MED13: variants seen among roughly 807,000 people sequenced by gnomAD.
MED13 encodes the protein mediator of RNA polymerase II transcription subunit 13.
In MED13, 23 loss-of-function variants were observed where a neutral mutation model predicts 225.2. The ratio of observed to expected loss-of-function variants is 0.10; its 90% CI spans 0.07 to 0.14. The LOEUF is 0.14. Ranked by LOEUF, MED13 falls within the 10% of genes least tolerant of loss-of-function variation. MED13 has a pLI of 1.00. For synonymous variants in MED13, 942 were observed against 889.2 expected, an observed-to-expected ratio of 1.06 and a Z score of -1.06; for missense variants, 2,197 against 2,594.5, an observed-to-expected ratio of 0.85 and a Z score of 3.33.
At chr17:62,008,226 G>A (rs2080472110) in intron 9 of MED13, among the ~76,000 whole-genome samples, 1 of 149,426 alleles carries the variant, frequency 6.7e-6, no homozygotes, top group Non-Finnish European at 1.5e-5. Context: ...GGCTGAGGCA[G>A]GAGAATGGTG....
chr17:62,029,770 G>T, intron 7 of MED13, 81 bp downstream of exon 7: 1 of 1,510,452 alleles, frequency 6.6e-7, no homozygotes, highest in South Asian at 1.3e-5. Flanking sequence ...TCAAACAAAT[G>T]ACTGTTTATA....
rs192877623 is a variant in MED13 at position 62,035,034 on chromosome 17, T to C, written c.616+429A>G. On this transcript the variant is annotated intron_variant, in intron 4 of 29. Transcript: ENST00000397786. Reference sequence around the variant, plus strand: ...TACTCAGGAGGCTGAGGTAGGAGAATTGCTTGAATCCGGGAGGTGGAGGTT... The same window carrying C: ...TACTCAGGAGGCTGAGGTAGGAGAACTGCTTGAATCCGGGAGGTGGAGGTT... Among the ~76,000 whole-genome samples the C allele has an allele frequency of 3.3e-5, 5 of 152,086 alleles. No individual in the cohort carries two copies. The East Asian group carries it at 7.7e-4, about 24-fold the overall frequency.
chr17:62,055,158 G>A (rs1020336127), intron 2 of MED13, among the ~76,000 whole-genome samples: 1 of 152,134 alleles, frequency 6.6e-6, no homozygotes, highest in African/African-American at 2.4e-5. Context: ...ACTTCAGGAG[G>A]CCAAGGCAAG....
intron 17 of MED13, among the ~76,000 whole-genome samples, chr17:61,969,096 C>G (rs1415288746): frequency 6.6e-6 from 1 of 152,124 alleles, no homozygotes; most frequent in East Asian, 1.9e-4. Flanking sequence ...TGGCTCACAC[C>G]TGTAATTTCA....
At chr17:62,015,957 T>TATATATATATATA (rs1227669033) in intron 8 of MED13, among the ~76,000 whole-genome samples, 3 of 6,314 alleles carry the variant, frequency 4.8e-4, no homozygotes, top group East Asian at 4.4e-3. Flanking sequence ...TATATATATT[T>TATATATATATATA]TTTTTTTTTT....
In MED13 at chr17:61,965,049, A is replaced by G. The variant is rs1164621737; in HGVS notation, c.4801T>C (p.Ser1601Pro). Residue 1601 changes from serine to proline, a missense_variant, in exon 20 of 30, where the codon TCA becomes CCA. Physicochemically the swap from Ser to Pro is moderately conservative, Grantham distance 74 (BLOSUM62 -1). This residue lies in a region of MED13 where 457 missense variants were observed against 442.2 expected (regional missense o/e 1.03). Transcript: ENST00000397786. The part of the protein sequence containing the change: ...ALQTAGISGE[S>P]SSLPTQPHPD... ...TGCGGCTGAGTGGGAAGTGAAGATG[A>G]TTCTCCAGAAATCCCAGCTGTCTGT... is the stretch of plus-strand genomic sequence containing the variant. The G allele has an allele frequency of 6.2e-7, 1 of 1,614,024 alleles. No individual in the cohort carries two copies. The highest frequency in any genetic ancestry group is 1.3e-5 in the African/African-American group (1 of 74,936).
chr17:61,990,615 T>A (rs1195237522), intron 11 of MED13, among the ~76,000 whole-genome samples: 1 of 128,754 alleles, frequency 7.8e-6, no homozygotes, highest in Non-Finnish European at 1.6e-5. Flanking sequence ...ACACACACAC[T>A]TGGCGCACTG....
chr17:62,003,609 A>AAAAAAAAAAAAAAAAAAAAC (rs2080417495), intron 9 of MED13: 2 of 150,844 alleles, frequency 1.3e-5, no homozygotes, highest in Non-Finnish European at 3.0e-5. Flanking sequence ...CAAAAAAAAA[A>AAAAAAAAAAAAAAAAAAAAC]AAAAAAAAAA....
intron 8 of MED13, among the ~76,000 whole-genome samples, chr17:62,019,735 TTTC>T (rs942387040): frequency 5.3e-5 from 8 of 151,362 alleles, no homozygotes; most frequent in African/African-American, 2.0e-4. Flanking sequence ...TACAATTGAA[TTTC>T]TTTTTTTCTT....
rs145824772 is a variant in MED13 at position 62,012,696 on chromosome 17, T to G, written c.1284-1463A>C. Reference sequence around the variant, plus strand: ...TCAGTATTCATTAGGTTTTACTTTTTAAATTTTACTTTTTTGCTGAATCAG... The same window carrying G: ...TCAGTATTCATTAGGTTTTACTTTTGAAATTTTACTTTTTTGCTGAATCAG... On this transcript the variant is annotated intron_variant, in intron 8 of 29. Coordinates refer to ENST00000397786, the MANE Select transcript of MED13 (RefSeq NM_005121.3). Among the ~76,000 whole-genome samples the G allele has an allele frequency of 1.1e-4, 17 of 152,252 alleles. No individual in the cohort carries two copies. In the East Asian group the frequency reaches 3.3e-3, roughly 29 times the overall value.
intron 9 of MED13, among the ~76,000 whole-genome samples, chr17:62,009,088 CT>C (rs1385144386): frequency 9.2e-5 from 14 of 152,132 alleles, no homozygotes; most frequent in Non-Finnish European, 5.9e-5. Context: ...GAATCGTAAT[CT>C]TTGTACATTC....
intron 8 of MED13, among the ~76,000 whole-genome samples, chr17:62,015,934 A>T (rs868164602): frequency 0.05 from 440 of 8,836 alleles, 27 homozygotes; most frequent in Non-Finnish European, 0.087. Flanking sequence ...ATATATATAT[A>T]TATATATATA....
chr17:62,049,802 C>T (rs1464837903), intron 3 of MED13, among the ~76,000 whole-genome samples: 1 of 151,674 alleles, frequency 6.6e-6, no homozygotes, highest in African/African-American at 2.4e-5. Context: ...TGGTGGCGGG[C>T]ACCTGTAGTC....
At chr17:62,060,634 G>A (rs1362816844) in intron 2 of MED13, among the ~76,000 whole-genome samples, 2 of 136,278 alleles carry the variant, frequency 1.5e-5, no homozygotes, top group Non-Finnish European at 3.1e-5. Flanking sequence ...GACAGAATGA[G>A]ACTCCGTCTC....
At chr17:62,052,403 T>C in intron 3 of MED13, 134 bp downstream of exon 3, 1 of 515,628 alleles carries the variant, frequency 1.9e-6, no homozygotes, top group Admixed American at 4.4e-5. Flanking sequence ...AAAACCTGAC[T>C]GTATCTAGTA....
At chr17:62,001,226 C>T (rs1264228128) in intron 9 of MED13, among the ~76,000 whole-genome samples, 2 of 152,148 alleles carry the variant, frequency 1.3e-5, no homozygotes, top group African/African-American at 2.4e-5. Flanking sequence ...GAACTAAATA[C>T]GCTTGGCCTT....
chr17:62,015,199 T>G (rs1291972605), intron 8 of MED13, among the ~76,000 whole-genome samples: 2 of 152,210 alleles, frequency 1.3e-5, no homozygotes, highest in Admixed American at 1.3e-4. Context: ...CAAGGTATCA[T>G]AATATTAGGT....
At chr17:62,037,549 C>A (rs539639172) in intron 3 of MED13, among the ~76,000 whole-genome samples, 78 of 151,522 alleles carry the variant, frequency 5.1e-4, no homozygotes, top group African/African-American at 1.7e-3. Flanking sequence ...CGCCTGTAAT[C>A]CCAGCTACTC....
chr17:62,018,864 A>C (rs1231333137), intron 8 of MED13, among the ~76,000 whole-genome samples: 2 of 152,236 alleles, frequency 1.3e-5, no homozygotes, highest in Non-Finnish European at 2.9e-5. Context: ...AGATGAGTAT[A>C]TATAACAAAA....
Sources: gnomAD v4.1 joint callset for allele counts (sites outside exome capture counted in the v4.1 genomes callset) on GRCh38, gnomAD v4.1.1 for gene constraint, gnomAD v4.1.1 regional missense constraint, MANE v1.5 for transcripts, NCBI Gene and HGNC (gene_info 2026-07-23, HGNC 2026-07-21) for gene names.